METTL8: variants seen among roughly 807,000 people sequenced by gnomAD.
METTL8 encodes the protein tRNA N(3)-cytidine methyltransferase METTL8, mitochondrial.
METTL8 carries 32 observed loss-of-function variants against 48.7 expected under a neutral mutation model. The ratio of observed to expected loss-of-function variants is 0.66; its 90% CI spans 0.50 to 0.88. The LOEUF is 0.88. METTL8 is among the 40% of genes least tolerant of loss of function. The probability of loss-of-function intolerance (pLI) is 0.00; values close to 1 mark genes in which losing one functional copy is unlikely to be tolerated. For missense variants in METTL8, 464 were observed against 474.4 expected (o/e 0.98, Z 0.20); for synonymous variants, 136 against 157.1 (o/e 0.87, Z 1.01).
chr2:171,389,514 CAAAAAAAAAAAAAAAAA>C (rs56087323), intron 2 of METTL8, among the ~76,000 whole-genome samples: 1 of 52,022 alleles, frequency 1.9e-5, no homozygotes, highest in African/African-American at 9.1e-5. Context: ...CCCTGTCTCA[CAAAAAAAAAAAAAAAAA>C]AAAAAAAAAA....
chr2:171,352,643 A>G (rs1377023179), intron 3 of METTL8, among the ~76,000 whole-genome samples: 1 of 152,190 alleles, frequency 6.6e-6, no homozygotes, highest in Non-Finnish European at 1.5e-5. Flanking sequence ...CCTCAATTTC[A>G]GAACCTGTTA....
intron 2 of METTL8, among the ~76,000 whole-genome samples, chr2:171,379,023 G>C (rs1446165591): frequency 1.3e-5 from 2 of 152,120 alleles, no homozygotes; most frequent in Non-Finnish European, 2.9e-5. Context: ...ACATTCCTCA[G>C]CAAATGCAAA....
At chr2:171,337,990 G>A (rs1686298390) in intron 4 of METTL8, among the ~76,000 whole-genome samples, 1 of 152,090 alleles carries the variant, frequency 6.6e-6, no homozygotes, top group Non-Finnish European at 1.5e-5. Flanking sequence ...TGATGAAACA[G>A]ACATACACTG....
chr2:171,397,251 C>A (rs1284370177), intron 1 of METTL8, among the ~76,000 whole-genome samples: 11 of 146,334 alleles, frequency 7.5e-5, no homozygotes, highest in African/African-American at 2.0e-4. Context: ...TGGTAGTTCA[C>A]GTCTGTAATC....
intron 1 of METTL8, among the ~76,000 whole-genome samples, chr2:171,428,266 T>G (rs1449118769): frequency 6.6e-6 from 1 of 152,200 alleles, no homozygotes; most frequent in South Asian, 2.1e-4. Flanking sequence ...TCTTAAGGAT[T>G]TAAGTTTTTT....
chr2:171,418,542 C>T (rs567682273), intron 1 of METTL8, among the ~76,000 whole-genome samples: 3 of 152,240 alleles, frequency 2.0e-5, no homozygotes, highest in African/African-American at 7.2e-5. Flanking sequence ...TTTATTTATT[C>T]AATCCTTTAT....
rs764596395 is a variant in METTL8 at position 171,392,162 on chromosome 2, G to A, written c.24C>T (p.Ser8=). 7 of 1,551,362 alleles carry A rather than the reference G, an allele frequency of 4.5e-6. No homozygotes were observed. The highest frequency in any genetic ancestry group is 1.4e-5 in the African/African-American group (1 of 73,134). The part of the protein sequence containing the change: MNMIWRN[S]ISCLRLGKVP... ...CCTTTCCTAGCCTTAGACAAGAAAT[G>A]GAATTTCTCCAAATCATATTCATCC... is the stretch of plus-strand genomic sequence containing the variant. The change falls in exon 2 of 10, where the codon TCC becomes TCT. Residue 8 remains serine (S), a synonymous_variant. Transcript: ENST00000375258.
intron 1 of METTL8, among the ~76,000 whole-genome samples, chr2:171,405,752 G>C (rs1690114278): frequency 6.6e-6 from 1 of 152,126 alleles, no homozygotes; most frequent in Non-Finnish European, 1.5e-5. Context: ...GGGGAAATAA[G>C]TACACAGAAA....
intron 2 of METTL8, among the ~76,000 whole-genome samples, chr2:171,362,042 A>T (rs1685217921): frequency 6.6e-6 from 1 of 152,208 alleles, no homozygotes. Flanking sequence ...CAGTGCATAC[A>T]GGGAACAGTT....
chr2:171,329,516 T>G, intron 7 of METTL8, among the ~76,000 whole-genome samples: 1 of 152,232 alleles, frequency 6.6e-6, no homozygotes, highest in East Asian at 1.9e-4. Flanking sequence ...ATGCCTACAG[T>G]CTAAACAGAT....
intron 4 of METTL8, among the ~76,000 whole-genome samples, chr2:171,338,736 C>A (rs1311685392): frequency 6.6e-6 from 1 of 151,700 alleles, no homozygotes; most frequent in African/African-American, 2.4e-5. Context: ...TCCTTGTTAG[C>A]AAATTTTCTA....
intron 1 of METTL8, among the ~76,000 whole-genome samples, chr2:171,431,453 G>A (rs557102903): frequency 5.3e-5 from 8 of 152,176 alleles, no homozygotes; most frequent in East Asian, 1.9e-4. Context: ...CTCACTCTCC[G>A]GGGTCCACAC....
At chr2:171,367,885 C>G (rs1208241387) in intron 2 of METTL8, among the ~76,000 whole-genome samples, 1 of 152,178 alleles carries the variant, frequency 6.6e-6, no homozygotes, top group East Asian at 1.9e-4. Flanking sequence ...GGTTCTCAAA[C>G]TGTCGTCCAC....
intron 1 of METTL8, among the ~76,000 whole-genome samples, chr2:171,407,448 C>CCATCTCACCT (rs1247537259): frequency 1.4e-4 from 22 of 151,938 alleles, no homozygotes; most frequent in African/African-American, 5.3e-4. Flanking sequence ...GTAACAAAAA[C>CCATCTCACCT]AGTAAACACT....
chr2:171,427,174 A>G (rs1464110611), intron 1 of METTL8, among the ~76,000 whole-genome samples: 1 of 152,190 alleles, frequency 6.6e-6, no homozygotes, highest in Non-Finnish European at 1.5e-5. Context: ...TATCCACTGT[A>G]TCAGAAGTCC....
intron 2 of METTL8, among the ~76,000 whole-genome samples, chr2:171,368,154 GC>G (rs1685914898): frequency 6.6e-6 from 1 of 152,130 alleles, no homozygotes; most frequent in African/African-American, 2.4e-5. Context: ...GATTGATGAA[GC>G]AGTAAAAACT....
At chr2:171,416,570 T>C (rs1439392116) in intron 1 of METTL8, among the ~76,000 whole-genome samples, 3 of 152,248 alleles carry the variant, frequency 2.0e-5, no homozygotes, top group Non-Finnish European at 2.9e-5. Flanking sequence ...CAACACTTAA[T>C]ATGGCTATAA....
intron 7 of METTL8, among the ~76,000 whole-genome samples, chr2:171,326,538 G>T (rs1684979947): frequency 6.6e-6 from 1 of 152,118 alleles, no homozygotes; most frequent in Non-Finnish European, 1.5e-5. Context: ...ATATGCCAAA[G>T]CCATCCCAAG....
intron 1 of METTL8, among the ~76,000 whole-genome samples, chr2:171,398,854 G>A (rs933818656): frequency 1.3e-5 from 2 of 151,974 alleles, no homozygotes; most frequent in Non-Finnish European, 2.9e-5. Flanking sequence ...TACCAAAAAA[G>A]TAAAAAATAA....
Sources: gnomAD v4.1 joint callset for allele counts (sites outside exome capture counted in the v4.1 genomes callset) on GRCh38, gnomAD v4.1.1 for gene constraint, MANE v1.5 for transcripts, NCBI Gene and HGNC (gene_info 2026-07-23, HGNC 2026-07-21) for gene names.